SLC5A9: variants seen among roughly 807,000 people sequenced by gnomAD.
SLC5A9 encodes sodium/glucose cotransporter 4.
SLC5A9 carries 59 observed loss-of-function variants against 70.9 expected under a neutral mutation model. The observed-to-expected ratio is 0.83, with a 90% CI of 0.68 to 1.03. SLC5A9 has a LOEUF of 1.03. Ranked by LOEUF, SLC5A9 falls within the 50% of genes least tolerant of loss-of-function variation. The pLI is 0.00. For missense variants in SLC5A9, 832 were observed against 881.1 expected (o/e 0.94, Z 0.71); for synonymous variants, 340 against 346.5 (o/e 0.98, Z 0.21).
chr1:48,238,718 T>C (rs1644359164), intron 11 of SLC5A9: 1 of 152,776 alleles, frequency 6.5e-6, no homozygotes, highest in South Asian at 2.1e-4. Flanking sequence ...CTCTGGGTGT[T>C]TCTGCTCATT....
chr1:48,233,900 TAC>T, intron 9 of SLC5A9, 138 bp downstream of exon 9: 1 of 663,518 alleles, frequency 1.5e-6, no homozygotes, highest in Non-Finnish European at 2.8e-6. Context: ...TCCCAACACA[TAC>T]ACACACGTTT....
intron 13 of SLC5A9, among the ~76,000 whole-genome samples, chr1:48,244,300 C>T (rs1644424761): frequency 6.6e-6 from 1 of 152,198 alleles, no homozygotes; most frequent in African/African-American, 2.4e-5. Flanking sequence ...GCATCACTTG[C>T]TGCACCAGCA....
At chr1:48,233,784 C>G (rs1303276678) in intron 9 of SLC5A9, 22 bp downstream of exon 9, 1 of 1,528,666 alleles carries the variant, frequency 6.5e-7, no homozygotes, top group Non-Finnish European at 9.1e-7. Context: ...CTCCCCACCC[C>G]ACCCTGCACT....
chr1:48,242,189 A>G (rs1351342764), intron 12 of SLC5A9: 3 of 505,878 alleles, frequency 5.9e-6, no homozygotes, highest in Non-Finnish European at 3.7e-6. Flanking sequence ...TGTAAAATCC[A>G]TGAGGACAGG....
chr1:48,230,676 T>C lies in SLC5A9; in HGVS notation c.581T>C (p.Leu194Pro), dbSNP rs1644235453. 2 of 1,613,808 alleles carry C rather than the reference T, an allele frequency of 1.2e-6. No individual in the cohort carries two copies. Among genetic ancestry groups the C allele is most frequent in the African/African-American group, 1.3e-5 (1 of 74,886 alleles). Residue 194 changes from leucine to proline, a missense_variant, in exon 5 of 14, where the codon CTG (leucine) becomes CCG (proline). By Grantham distance (98) the Leu-to-Pro change is moderately conservative. Transcript: ENST00000438567. ...WNLYLSTGIL[L>P]VVTAVYTIAG... is the part of the protein sequence containing the mutation. ...CTGTACCTCTCCACAGGGATCCTGC[T>C]GGTGGTGACTGCCGTCTACACCATT...
intron 1 of SLC5A9, 39 bp downstream of exon 1, chr1:48,222,937 G>A (rs770315939): frequency 7.5e-6 from 12 of 1,608,260 alleles, no homozygotes; most frequent in Non-Finnish European, 1.0e-5. Flanking sequence ...AGGGGAGGTA[G>A]TAGTGGTCTC....
Position 48,239,452 on chromosome 1 carries a change from TG to T in SLC5A9, c.1593del (p.Tyr532ThrfsTer106). On this transcript the variant is annotated frameshift_variant, in exon 12 of 14. Coordinates refer to ENST00000438567, the MANE Select transcript of SLC5A9 (RefSeq NM_001011547.3). LOFTEE classifies it high-confidence loss of function. This position sits in a 1 kb window ranked among gnomAD's most constrained non-coding sequence, Gnocchi z 4.2. Reference sequence around the variant, plus strand: ...GCAGTGCTGAAGGACTTCCACTACCTGTACTTTGCAATCCTCCTCTGCGGGC... The same window carrying T: ...GCAGTGCTGAAGGACTTCCACTACCTTACTTTGCAATCCTCCTCTGCGGGC... ...RPAVLKDFHY[L>X]YFAILLCGLT... The T allele has an allele frequency of 6.2e-7, 1 of 1,614,196 alleles. No homozygotes were observed. Among genetic ancestry groups the T allele is most frequent in the Non-Finnish European group, 8.5e-7 (1 of 1,180,044 alleles).
intron 2 of SLC5A9, chr1:48,227,888 T>C (rs1234834713): frequency 6.6e-6 from 1 of 152,178 alleles, no homozygotes; most frequent in Non-Finnish European, 1.5e-5. Flanking sequence ...GAGGCGTTGA[T>C]AGAGGAAGTG....
chr1:48,242,237 C>A, intron 12 of SLC5A9: 1 of 564,252 alleles, frequency 1.8e-6, no homozygotes, highest in South Asian at 2.0e-5. Flanking sequence ...CAGCACCTAG[C>A]ACAAGCCTGG....
intron 12 of SLC5A9, chr1:48,241,850 C>A (rs1222346525): frequency 4.5e-6 from 2 of 447,624 alleles, no homozygotes; most frequent in Non-Finnish European, 9.0e-6. Context: ...AAGGCAGGAA[C>A]CCTGGAGCCA....
intron 12 of SLC5A9, chr1:48,242,018 T>C (rs902691300): frequency 2.2e-6 from 1 of 456,828 alleles, no homozygotes; most frequent in African/African-American, 2.0e-5. Context: ...CAAGAGAACT[T>C]TGAAGATCCT....
rs1254797616 is a variant in SLC5A9, at chr1:48,239,380, A to G, written c.1520A>G (p.Glu507Gly). 1.9e-6 allele frequency: 3 copies of G among 1,614,076 alleles called. No individual in the cohort carries two copies. The highest frequency in any genetic ancestry group is 1.7e-5 in the Admixed American group (1 of 60,010). ...GTGGGGCTTCTGCGTATGATCCTGG[A>G]GTTCTCATACCCAGCGCCAGCCTGT... is the stretch of plus-strand genomic sequence containing the variant. Reference protein sequence around the residue: ...LGVGLLRMILEFSYPAPACGE... With the variant: ...LGVGLLRMILGFSYPAPACGE... Residue 507 changes from glutamate to glycine, a missense_variant, in exon 12 of 14, where the codon GAG becomes GGG. Coordinates refer to ENST00000438567, the MANE Select transcript of SLC5A9 (RefSeq NM_001011547.3). This position sits in a 1 kb window ranked among gnomAD's most constrained non-coding sequence, Gnocchi z 4.2.
intron 13 of SLC5A9, among the ~76,000 whole-genome samples, chr1:48,244,636 A>G (rs572567359): frequency 2.7e-5 from 4 of 148,532 alleles, no homozygotes; most frequent in African/African-American, 9.9e-5. Flanking sequence ...TTCAGAAGAC[A>G]CTACCGAAGA....
At chr1:48,222,975 G>A in intron 1 of SLC5A9, 77 bp downstream of exon 1, 2 of 1,451,840 alleles carry the variant, frequency 1.4e-6, no homozygotes, top group Non-Finnish European at 1.9e-6. Flanking sequence ...GTGGAGCTGG[G>A]GCAGGGCTAG....
At position 48,239,403 on chromosome 1, in the gene SLC5A9, T is replaced by A; in HGVS notation, c.1543T>A (p.Cys515Ser). 6.2e-7 allele frequency: 1 copy of A among 1,614,200 alleles called. No individual in the cohort carries two copies. ...ILEFSYPAPA[C>S]GEVDRRPAVL... ...GGAGTTCTCATACCCAGCGCCAGCC[T>A]GTGGGGAGGTGGACCGGAGGCCAGC... Residue 515 changes from cysteine to serine, a missense_variant, in exon 12 of 14, where the codon TGT becomes AGT. Transcript: ENST00000438567. The surrounding 1 kb of genome is among the most constrained non-coding windows in gnomAD (Gnocchi z 4.2).
At chr1:48,244,878 G>GTATATATATATA (rs756117312) in intron 13 of SLC5A9, among the ~76,000 whole-genome samples, 430 of 29,396 alleles carry the variant, frequency 0.015, 106 homozygotes, top group South Asian at 0.033. Context: ...ATGTGTATGT[G>GTATATATATATA]TATATATATA....
chr1:48,229,112 T>A, intron 3 of SLC5A9, 158 bp downstream of exon 3: 1 of 1,614,056 alleles, frequency 6.2e-7, no homozygotes. Context: ...GATGAGGAAA[T>A]CAAGGTCTGG....
intron 4 of SLC5A9, 127 bp downstream of exon 4, chr1:48,229,586 C>T (rs1644219113): frequency 1.4e-6 from 2 of 1,469,966 alleles, no homozygotes; most frequent in South Asian, 1.3e-5. Flanking sequence ...AAAGCAGGAC[C>T]TATAAACATT....
chr1:48,229,397 C>T lies in SLC5A9; in HGVS notation c.442C>T (p.Gln148Ter). The T allele has an allele frequency of 6.2e-7, 1 of 1,614,140 alleles. No individual in the cohort carries two copies. Among genetic ancestry groups the T allele is most frequent in the African/African-American group, 1.3e-5 (1 of 75,034 alleles). ...GTATCTGAAGAAGCGATTTGGGGGC[C>T]AGAGGATCCAGGTGTACATGTCTGT... ...PQYLKKRFGG[Q>*]RIQVYMSVLS... The change falls in exon 4 of 14, where the codon CAG becomes TAG. Residue 148 changes from glutamine to a stop codon, truncating the protein, a stop_gained. Coordinates refer to ENST00000438567, the MANE Select transcript of SLC5A9 (RefSeq NM_001011547.3). LOFTEE classifies it high-confidence loss of function.
Sources: allele counts gnomAD v4.1 joint callset (sites outside exome capture counted in the v4.1 genomes callset), GRCh38; gene constraint gnomAD v4.1.1; non-coding constraint Gnocchi (gnomAD v3.1); transcripts MANE v1.5; gene names NCBI Gene and HGNC (gene_info 2026-07-23, HGNC 2026-07-21).